Variants in PACSIN2 observed in about 807,000 individuals in gnomAD.
PACSIN2 encodes the protein protein kinase C and casein kinase substrate in neurons protein 2.
In PACSIN2, 25 loss-of-function variants were observed where a neutral mutation model predicts 63.8. The ratio of observed to expected loss-of-function variants is 0.39; its 90% CI spans 0.29 to 0.55. The LOEUF is 0.55. Ranked by LOEUF, PACSIN2 falls within the 20% of genes least tolerant of loss-of-function variation. The pLI is 0.62. For missense variants in PACSIN2, 518 were observed against 646.9 expected, an observed-to-expected ratio of 0.80 and a Z score of 2.16; for synonymous variants, 255 against 256.2, an observed-to-expected ratio of 1.00 and a Z score of 0.05.
chr22:42,871,452 T>A lies in PACSIN2; in HGVS notation c.1366A>T (p.Met456Leu), dbSNP rs1395534817. Reference protein sequence around the residue: ...SFKAGDELTKMEDEDEQGWCK... With the variant: ...SFKAGDELTKLEDEDEQGWCK... ...CAGCCCTGCTCATCCTCGTCCTCCATCTTGGTCAGCTCATCCCCTGCAAGA... is the reference window on the plus strand; with the variant it reads ...CAGCCCTGCTCATCCTCGTCCTCCAACTTGGTCAGCTCATCCCCTGCAAGA... The change falls in exon 11 of 11, where the codon ATG becomes TTG. Residue 456 changes from methionine to leucine, a missense_variant. Physicochemically the swap from Met to Leu is conservative, Grantham distance 15. This residue lies in a region of PACSIN2 where 507 missense variants were observed against 612.3 expected (regional missense o/e 0.83). Transcript: ENST00000263246. The surrounding 1 kb of genome is among the most constrained non-coding windows in gnomAD (Gnocchi z 5.4). The A allele has an allele frequency of 6.2e-7, 1 of 1,613,986 alleles. No individual in the cohort carries two copies. The highest frequency in any genetic ancestry group is 2.2e-5 in the East Asian group (1 of 44,880).
At chr22:42,990,829 T>A (rs1260229206) in intron 1 of PACSIN2, among the ~76,000 whole-genome samples, 2 of 151,860 alleles carry the variant, frequency 1.3e-5, no homozygotes, top group Non-Finnish European at 2.9e-5. Flanking sequence ...TGGAAACCAC[T>A]CTATTTGGCT....
rs532475540 is a variant in PACSIN2, at chr22:42,976,424, C to G, written c.-78+38597G>C. On this transcript the variant is annotated intron_variant, in intron 1 of 10. Coordinates refer to ENST00000263246, the MANE Select transcript of PACSIN2 (RefSeq NM_001184970.3). ...CTGGCCAGCCCAGGCGACAGACTGGCTCCTCTCCCCAAAAGCCTGACAAGT... is the reference window on the plus strand; with the variant it reads ...CTGGCCAGCCCAGGCGACAGACTGGGTCCTCTCCCCAAAAGCCTGACAAGT... Among the ~76,000 whole-genome samples, 11 of 152,232 alleles carry G rather than the reference C, an allele frequency of 7.2e-5. No homozygotes were observed. In the East Asian group the frequency reaches 1.9e-3, roughly 27 times the overall value.
chr22:42,951,824 C>T (rs927733778), intron 1 of PACSIN2, among the ~76,000 whole-genome samples: 2 of 151,970 alleles, frequency 1.3e-5, no homozygotes, highest in Non-Finnish European at 2.9e-5. Flanking sequence ...GATTCTAGCC[C>T]CTGCTTCCAG....
At chr22:43,012,782 A>G (rs1025014660) in intron 1 of PACSIN2, among the ~76,000 whole-genome samples, 4 of 151,950 alleles carry the variant, frequency 2.6e-5, no homozygotes, top group African/African-American at 9.7e-5. Flanking sequence ...CCTCCCAAGT[A>G]GCTGGGATTA....
Position 42,871,360 on chromosome 22 carries a change from C to T in PACSIN2, c.1458G>A (p.Gln486=), listed in dbSNP as rs1423467165. 3.1e-6 allele frequency: 5 copies of T among 1,609,924 alleles called. No individual in the cohort carries two copies. The highest frequency in any genetic ancestry group is 1.7e-5 in the Admixed American group (1 of 60,028). Residue 486 remains glutamine (Q), a synonymous_variant, in exon 11 of 11, where the codon CAG becomes CAA. Transcript: ENST00000263246. This position sits in a 1 kb window ranked among gnomAD's most constrained non-coding sequence, Gnocchi z 5.4. ...CCGCTGGCCTGTCCCCGACTCATCACTGGATCGCCTCCACATAATTTGCCG... is the reference window on the plus strand; with the variant it reads ...CCGCTGGCCTGTCCCCGACTCATCATTGGATCGCCTCCACATAATTTGCCG... ...LYPANYVEAI[Q] is the part of the protein sequence containing the mutation.
rs1286793597 is a variant in PACSIN2, at chr22:42,871,165, T to C, written c.*192A>G. ...TGTTCTGCGTCTTCCTGCGCTCAGA[T>C]CCCTCCAGCTGCACTCGGAAAGGTG... is the stretch of plus-strand genomic sequence containing the variant. On this transcript the variant is annotated 3_prime_UTR_variant, in exon 11 of 11. Transcript: ENST00000263246. This position sits in a 1 kb window ranked among gnomAD's most constrained non-coding sequence, Gnocchi z 5.4. 4 of 604,956 alleles carry C rather than the reference T, an allele frequency of 6.6e-6. No individual in the cohort carries two copies. The highest frequency in any genetic ancestry group is 1.2e-5 in the Non-Finnish European group (4 of 336,844). The allele number at this position is 604,956 out of a possible 1,614,324, so 37.5% of individuals were successfully genotyped here.
chr22:42,993,181 A>G (rs1923165032), intron 1 of PACSIN2, among the ~76,000 whole-genome samples: 1 of 152,148 alleles, frequency 6.6e-6, no homozygotes, highest in Non-Finnish European at 1.5e-5. Context: ...TCAAAAAAAA[A>G]AAAGGAAGAA....
At position 42,890,063 on chromosome 22, in the gene PACSIN2, G is replaced by A. The variant is rs140437504; in HGVS notation, c.453+884C>T. On this transcript the variant is annotated intron_variant, in intron 4 of 10. Transcript: ENST00000263246. ...TGTCACCAGGCTGGAGTGCAGTGGC[G>A]TGATCTCAGCTCACTGCAACTTCCA... 5.0e-3 allele frequency among the ~76,000 whole-genome samples: 748 copies of A among 149,822 alleles called. 9 individuals are homozygous for A. The highest frequency in any genetic ancestry group is 0.017 in the African/African-American group (710 of 40,574).
At chr22:42,894,575 T>C (rs1930146906) in intron 2 of PACSIN2, among the ~76,000 whole-genome samples, 1 of 152,244 alleles carries the variant, frequency 6.6e-6, no homozygotes, top group African/African-American at 2.4e-5. Context: ...CAAGTAGGAC[T>C]GTCTTGATGG....
intron 8 of PACSIN2, among the ~76,000 whole-genome samples, chr22:42,878,459 C>A (rs1266170507): frequency 6.6e-6 from 1 of 152,220 alleles, no homozygotes; most frequent in East Asian, 1.9e-4. Flanking sequence ...AGGAAGACCT[C>A]CTCTAGCACA....
chr22:42,874,911 C>T (rs1207227684), intron 10 of PACSIN2, among the ~76,000 whole-genome samples: 4 of 146,224 alleles, frequency 2.7e-5, no homozygotes, highest in African/African-American at 1.0e-4. Flanking sequence ...AGTGCAGTGG[C>T]GCAATCTCGG....
Position 42,983,332 on chromosome 22 carries a change from A to AAG in PACSIN2, c.-78+31688_-78+31689insCT, listed in dbSNP as rs1555943956. On this transcript the variant is annotated intron_variant, in intron 1 of 10. Coordinates refer to ENST00000263246, the MANE Select transcript of PACSIN2 (RefSeq NM_001184970.3). ...ACTCCATCTCAAAAAAAAAAAAAAA[A>AAG]AAAAGAAACTGGCTGGGTGTGGTGG... Among the ~76,000 whole-genome samples, 8 of 147,618 alleles carry AAG rather than the reference A, an allele frequency of 5.4e-5. No homozygotes were observed. The East Asian group carries it at 8.3e-4, about 15-fold the overall frequency.
chr22:42,958,844 T>C (rs78274193), intron 1 of PACSIN2, among the ~76,000 whole-genome samples: 11,581 of 152,276 alleles, frequency 0.076, 580 homozygotes, highest in Non-Finnish European at 0.11. Context: ...CCAGTAAGTA[T>C]AATTCACTGA....
At chr22:43,000,592 C>T (rs1323410238) in intron 1 of PACSIN2, among the ~76,000 whole-genome samples, 3 of 152,144 alleles carry the variant, frequency 2.0e-5, no homozygotes, top group Non-Finnish European at 4.4e-5. Context: ...CCCAAAATAG[C>T]AATTCTGGAA....
At chr22:42,997,880 C>CA (rs1226323211) in intron 1 of PACSIN2, among the ~76,000 whole-genome samples, 2 of 152,068 alleles carry the variant, frequency 1.3e-5, no homozygotes, top group Non-Finnish European at 2.9e-5. Flanking sequence ...GACTCTGTCT[C>CA]AAAAAACAAA....
chr22:42,883,816 C>T (rs1403228277), intron 6 of PACSIN2, among the ~76,000 whole-genome samples: 11 of 152,132 alleles, frequency 7.2e-5, no homozygotes, highest in Non-Finnish European at 1.3e-4. Context: ...CCATCCTGGA[C>T]AACATGGTGA....
intron 1 of PACSIN2, among the ~76,000 whole-genome samples, chr22:42,998,779 C>A (rs1923574614): frequency 1.3e-5 from 2 of 152,136 alleles, no homozygotes; most frequent in Admixed American, 6.5e-5. Context: ...CCTTTCAGCC[C>A]ACCATGTCCC....
intron 1 of PACSIN2, among the ~76,000 whole-genome samples, chr22:42,935,731 C>T (rs2146788158): frequency 6.6e-6 from 1 of 152,174 alleles, no homozygotes; most frequent in South Asian, 2.1e-4. Flanking sequence ...GACACTGAAA[C>T]ACACTGGTCC....
intron 2 of PACSIN2, among the ~76,000 whole-genome samples, chr22:42,908,474 C>T (rs1433517174): frequency 6.6e-6 from 1 of 152,212 alleles, no homozygotes; most frequent in Admixed American, 6.5e-5. Flanking sequence ...AAAGAGAAGG[C>T]CTGGAAGCAG....
Sources: gnomAD v4.1 joint callset for allele counts (sites outside exome capture counted in the v4.1 genomes callset) on GRCh38, gnomAD v4.1.1 for gene constraint, gnomAD v4.1.1 regional missense constraint, Gnocchi (gnomAD v3.1) non-coding constraint, MANE v1.5 for transcripts, NCBI Gene and HGNC (gene_info 2026-07-23, HGNC 2026-07-21) for gene names.